Variants in SLC2A4 observed in about 807,000 individuals in gnomAD.
SLC2A4 encodes the protein solute carrier family 2 member 4.
In SLC2A4, 31 loss-of-function variants were observed where a neutral mutation model predicts 53.3. The ratio of observed to expected loss-of-function variants is 0.58; its 90% confidence interval spans 0.44 to 0.78. SLC2A4 has a LOEUF of 0.78. Among genes scored for constraint, SLC2A4 ranks in the 30% least tolerant of loss-of-function variants. The pLI, the probability that SLC2A4 is intolerant of heterozygous loss-of-function variation, is 0.00. For synonymous variants in SLC2A4, 276 were observed against 281.9 expected, an observed-to-expected ratio of 0.98 and a Z score of 0.21; for missense variants, 538 against 655.7, an observed-to-expected ratio of 0.82 and a Z score of 1.96.
chr17:7,284,291 C>A lies in SLC2A4; in HGVS notation c.639C>A (p.Ala213=). The change falls in exon 6 of 11, where the codon GCC becomes GCA. Residue 213 remains alanine, a synonymous_variant. Coordinates refer to ENST00000317370, the MANE Select transcript of SLC2A4 (RefSeq NM_001042.3). The surrounding 1 kb of genome is among the most constrained non-coding windows in gnomAD (Gnocchi z 7.5). ...TCCTGGGCCTCACAGTGCTACCTGC[C>A]CTCCTGCAGCTGGTCCTGCTGCCCT... is the stretch of plus-strand genomic sequence containing the variant. ...PLLLGLTVLP[A]LLQLVLLPFC... 1 of 1,614,098 alleles carries A rather than the reference C, an allele frequency of 6.2e-7. No individual in the cohort carries two copies. Among genetic ancestry groups the A allele is most frequent in the South Asian group, 1.1e-5 (1 of 91,086 alleles).
Position 7,285,267 on chromosome 17 carries a change from T to C in SLC2A4, c.1122+78T>C, listed in dbSNP as rs1248247031. 1 of 1,230,002 alleles carries C rather than the reference T, an allele frequency of 8.1e-7. No homozygotes were observed. The highest frequency in any genetic ancestry group is 1.2e-6 in the Non-Finnish European group (1 of 863,836). 76.2% of individuals were successfully genotyped at this position (1,230,002 alleles called of 1,614,324 possible). A position where few individuals can be genotyped will look rare whatever the true frequency, so the allele number is the denominator to read the frequency against. ...TGTGAGTCTCTGTGACCAGCCAGGGTCCCTTCTTAACACACATGCTTTCAA... is the reference window on the plus strand; with the variant it reads ...TGTGAGTCTCTGTGACCAGCCAGGGCCCCTTCTTAACACACATGCTTTCAA... On this transcript the variant is annotated intron_variant, in intron 9 of 10. Transcript: ENST00000317370. This position sits in a 1 kb window ranked among gnomAD's most constrained non-coding sequence, Gnocchi z 6.0.
In SLC2A4 at chr17:7,284,706, C is replaced by T. The variant is rs1431527726; in HGVS notation, c.915+34C>T. The T allele has an allele frequency of 6.2e-7, 1 of 1,612,086 alleles. No homozygotes were observed. Among genetic ancestry groups the T allele is most frequent in the African/African-American group, 1.3e-5 (1 of 74,896 alleles). On this transcript the variant is annotated intron_variant, in intron 7 of 10. Transcript: ENST00000317370. The surrounding 1 kb of genome is among the most constrained non-coding windows in gnomAD (Gnocchi z 7.5). Reference sequence around the variant, plus strand: ...GGAGCAGCCTCCAGGCAGGGCACAGCCCCGGGAGGGTAGACGAGAGTGGGG... The same window carrying T: ...GGAGCAGCCTCCAGGCAGGGCACAGTCCCGGGAGGGTAGACGAGAGTGGGG...
Position 7,284,424 on chromosome 17 carries a change from T to G in SLC2A4, c.727+45T>G. ...CCTGGCCCAGGCCCATGCCTCCGCC[T>G]CATCTTGCTAGCACCTGGCTTCCTC... is the stretch of plus-strand genomic sequence containing the variant. On this transcript the variant is annotated intron_variant, in intron 6 of 10. Transcript: ENST00000317370. This position sits in a 1 kb window ranked among gnomAD's most constrained non-coding sequence, Gnocchi z 7.5. The G allele has an allele frequency of 6.2e-7, 1 of 1,614,084 alleles. No individual in the cohort carries two copies. The highest frequency in any genetic ancestry group is 8.5e-7 in the Non-Finnish European group (1 of 1,179,972).
In SLC2A4 at chr17:7,282,109, C is replaced by CTGGA; in HGVS notation, c.33+143_33+146dup. The CTGGA allele has an allele frequency of 4.1e-6, 3 of 733,054 alleles. No individual in the cohort carries two copies. In the South Asian group the frequency reaches 4.6e-5, roughly 11 times the overall value. The allele number at this position is 733,054 out of a possible 1,614,324, so 45.4% of individuals were successfully genotyped here. A position where few individuals can be genotyped will look rare whatever the true frequency, so the allele number is the denominator to read the frequency against. Reference sequence around the variant, plus strand: ...AGGGGGCTGGCTATTTATACCCGGCCTGGACAACCCGTGACTGTGAGATTC... The same window carrying CTGGA: ...AGGGGGCTGGCTATTTATACCCGGCCTGGATGGACAACCCGTGACTGTGAGATTC... On this transcript the variant is annotated intron_variant, in intron 1 of 10. Coordinates refer to ENST00000317370, the MANE Select transcript of SLC2A4 (RefSeq NM_001042.3). This position sits in a 1 kb window ranked among gnomAD's most constrained non-coding sequence, Gnocchi z 4.1.
At position 7,286,552 on chromosome 17, in the gene SLC2A4, C is replaced by A. The variant is rs766927742; in HGVS notation, c.1453C>A (p.Arg485=). Reference sequence around the variant, plus strand: ...TGACCAGATCTCAGCTGCCTTCCACCGGACACCCTCTCTTTTAGAGCAGGA... The same window carrying A: ...TGACCAGATCTCAGCTGCCTTCCACAGGACACCCTCTCTTTTAGAGCAGGA... The part of the protein sequence containing the change: ...TFDQISAAFH[R]TPSLLEQEVK... Residue 485 remains arginine, a synonymous_variant, in exon 11 of 11, where the codon CGG becomes AGG. Transcript: ENST00000317370. 10 of 1,614,186 alleles carry A rather than the reference C, an allele frequency of 6.2e-6. No homozygotes were observed. Among genetic ancestry groups the A allele is most frequent in the Admixed American group, 5.0e-5 (3 of 60,016 alleles).
At position 7,282,241 on chromosome 17, in the gene SLC2A4, G is replaced by C. The variant is rs2143004656; in HGVS notation, c.33+274G>C. 1.7e-6 allele frequency: 1 copy of C among 602,428 alleles called. No individual in the cohort carries two copies. Among genetic ancestry groups the C allele is most frequent in the Non-Finnish European group, 3.1e-6 (1 of 325,090 alleles). 37.3% of individuals were successfully genotyped at this position (602,428 alleles called of 1,614,324 possible). A position where few individuals can be genotyped will look rare whatever the true frequency, so the allele number is the denominator to read the frequency against. ...CCCCTTGCCTAGTAGGCGGCGCGGC[G>C]CTCCGGAATCGGGGACACCCTGCCC... On this transcript the variant is annotated intron_variant, in intron 1 of 10. Coordinates refer to ENST00000317370, the MANE Select transcript of SLC2A4 (RefSeq NM_001042.3). This position sits in a 1 kb window ranked among gnomAD's most constrained non-coding sequence, Gnocchi z 4.1.
chr17:7,285,324 C>G lies in SLC2A4; in HGVS notation c.1122+135C>G. On this transcript the variant is annotated intron_variant, in intron 9 of 10. Coordinates refer to ENST00000317370, the MANE Select transcript of SLC2A4 (RefSeq NM_001042.3). This position sits in a 1 kb window ranked among gnomAD's most constrained non-coding sequence, Gnocchi z 6.0. ...CGCCAGCTCCGGACCAGGACTGGGG[C>G]TGACTGGCTCCAGAATCTGCTGGGA... The G allele has an allele frequency of 2.5e-6, 2 of 789,580 alleles. No individual in the cohort carries two copies. Among genetic ancestry groups the G allele is most frequent in the Non-Finnish European group, 4.2e-6 (2 of 470,666 alleles). The allele number at this position is 789,580 out of a possible 1,614,324, so 48.9% of individuals were successfully genotyped here. A position where few individuals can be genotyped will look rare whatever the true frequency, so the allele number is the denominator to read the frequency against.
chr17:7,287,771 CA>C lies in SLC2A4; in HGVS notation c.*1145del, dbSNP rs1156986778. 4 of 152,148 alleles carry C rather than the reference CA, an allele frequency of 2.6e-5. No homozygotes were observed. The highest frequency in any genetic ancestry group is 5.9e-5 in the Non-Finnish European group (4 of 68,048). The allele number at this position is 152,148 out of a possible 1,614,324, so 9.4% of individuals were successfully genotyped here. On this transcript the variant is annotated 3_prime_UTR_variant, in exon 11 of 11. Transcript: ENST00000317370. The stretch of plus-strand genomic sequence containing the variant: ...TGAAAAGGGGATTGAGAGAAGAAAC[CA>C]AAGGTCGGTTGTACTAAATGTATAT...
At position 7,284,031 on chromosome 17, in the gene SLC2A4, G is replaced by T; in HGVS notation, c.506G>T (p.Arg169Leu). The change falls in exon 5 of 11, where the codon CGG (arginine) becomes CTG (leucine). Residue 169 changes from arginine to leucine, a missense_variant. Coordinates refer to ENST00000317370, the MANE Select transcript of SLC2A4 (RefSeq NM_001042.3). The surrounding 1 kb of genome is among the most constrained non-coding windows in gnomAD (Gnocchi z 7.5). ...YVGEIAPTHL[R>L]GALGTLNQLA... ...GGGGAGATTGCTCCCACTCACCTGC[G>T]GGGCGCCCTGGGGACGCTCAACCAA... is the stretch of plus-strand genomic sequence containing the variant. 6.2e-7 allele frequency: 1 copy of T among 1,613,914 alleles called. No homozygotes were observed. The highest frequency in any genetic ancestry group is 8.5e-7 in the Non-Finnish European group (1 of 1,179,930).
chr17:7,283,177 G>A lies in SLC2A4; in HGVS notation c.34-68G>A. ...ATCTTCAGGCTCCAGCTGGGCCCGG[G>A]CCCCTAGCGGAAGGAAAAAAATCAT... is the stretch of plus-strand genomic sequence containing the variant. On this transcript the variant is annotated intron_variant, in intron 1 of 10. Transcript: ENST00000317370. This position sits in a 1 kb window ranked among gnomAD's most constrained non-coding sequence, Gnocchi z 5.8. 2.3e-6 allele frequency: 3 copies of A among 1,309,922 alleles called. No individual in the cohort carries two copies. The highest frequency in any genetic ancestry group is 2.2e-6 in the Non-Finnish European group (2 of 903,472). 81.1% of individuals were successfully genotyped at this position (1,309,922 alleles called of 1,614,324 possible).
chr17:7,283,948 C>CA lies in SLC2A4; in HGVS notation c.449-25dup. ...TCAGATGGGAATGGACACCTGCCCTCAGCCCTCTCTTCTTCCCTCGCCCAG... is the reference window on the plus strand; with the variant it reads ...TCAGATGGGAATGGACACCTGCCCTCAAGCCCTCTCTTCTTCCCTCGCCCAG... On this transcript the variant is annotated intron_variant, in intron 4 of 10. Transcript: ENST00000317370. This position sits in a 1 kb window ranked among gnomAD's most constrained non-coding sequence, Gnocchi z 5.8. 6.2e-7 allele frequency: 1 copy of CA among 1,613,144 alleles called. No homozygotes were observed. The highest frequency in any genetic ancestry group is 8.5e-7 in the Non-Finnish European group (1 of 1,179,144).
intron 10 of SLC2A4, 146 bp downstream of exon 10, chr17:7,286,054 C>A (rs896401076): frequency 2.7e-6 from 2 of 727,342 alleles, no homozygotes; most frequent in South Asian, 3.7e-5. Context: ...TCCACAGAAT[C>A]AAAGCAAGGA....
Position 7,282,057 on chromosome 17 carries a change from T to C in SLC2A4, c.33+90T>C. The C allele has an allele frequency of 1.8e-6, 2 of 1,107,278 alleles. No homozygotes were observed. The highest frequency in any genetic ancestry group is 2.7e-6 in the Non-Finnish European group (2 of 741,296). 68.6% of individuals were successfully genotyped at this position (1,107,278 alleles called of 1,614,324 possible). A position where few individuals can be genotyped will look rare whatever the true frequency, so the allele number is the denominator to read the frequency against. On this transcript the variant is annotated intron_variant, in intron 1 of 10. Transcript: ENST00000317370. This position sits in a 1 kb window ranked among gnomAD's most constrained non-coding sequence, Gnocchi z 4.1. ...GCGGTTGGGGTCAGCTGGGGGTGGT[T>C]CCTGCGCAGGCGCAGGGGGTGAAGG...
chr17:7,286,182 C>A, intron 10 of SLC2A4: 1 of 631,504 alleles, frequency 1.6e-6, no homozygotes, highest in Non-Finnish European at 2.8e-6. Flanking sequence ...ACAGCTGGGA[C>A]TCTCCTCTGA....
rs775238859 is a variant in SLC2A4, at chr17:7,284,403, G to T, written c.727+24G>T. ...GAGTAAGCTCTCCCGCTGCAGCCTG[G>T]CCCAGGCCCATGCCTCCGCCTCATC... On this transcript the variant is annotated intron_variant, in intron 6 of 10. Coordinates refer to ENST00000317370, the MANE Select transcript of SLC2A4 (RefSeq NM_001042.3). The surrounding 1 kb of genome is among the most constrained non-coding windows in gnomAD (Gnocchi z 7.5). The T allele has an allele frequency of 1.2e-6, 2 of 1,614,108 alleles. No individual in the cohort carries two copies. The highest frequency in any genetic ancestry group is 1.7e-5 in the Admixed American group (1 of 60,026).
Position 7,286,465 on chromosome 17 carries a change from C to T in SLC2A4, c.1366C>T (p.Leu456Phe), listed in dbSNP as rs751022983. 2 of 1,614,074 alleles carry T rather than the reference C, an allele frequency of 1.2e-6. No homozygotes were observed. Among genetic ancestry groups the T allele is most frequent in the African/African-American group, 1.3e-5 (1 of 74,930 alleles). The part of the protein sequence containing the change: ...GPYVFLLFAV[L>F]LLGFFIFTFL... ...CTACGTCTTCCTTCTATTTGCGGTC[C>T]TCCTGCTGGGCTTCTTCATCTTCAC... The change falls in exon 11 of 11, where the codon CTC becomes TTC. Residue 456 changes from leucine (L) to phenylalanine (F), a missense_variant. Physicochemically the swap from Leu to Phe is conservative, Grantham distance 22 (BLOSUM62 0). Transcript: ENST00000317370.
chr17:7,283,270 T>C lies in SLC2A4; in HGVS notation c.59T>C (p.Val20Ala). ...SEDGEPPQQR[V>A]TGTLVLAVFS... ...GATGGGGAACCCCCTCAGCAGCGAG[T>C]GACTGGGACCCTGGTCCTTGCTGTG... Residue 20 changes from valine to alanine, a missense_variant, in exon 2 of 11, where the codon GTG becomes GCG. Physicochemically the swap from Val to Ala is moderately conservative, Grantham distance 64. Transcript: ENST00000317370. This position sits in a 1 kb window ranked among gnomAD's most constrained non-coding sequence, Gnocchi z 5.8. 1 of 1,614,026 alleles carries C rather than the reference T, an allele frequency of 6.2e-7. No homozygotes were observed. Among genetic ancestry groups the C allele is most frequent in the Non-Finnish European group, 8.5e-7 (1 of 1,179,946 alleles).
chr17:7,286,031 G>T, intron 10 of SLC2A4, 123 bp downstream of exon 10: 2 of 838,878 alleles, frequency 2.4e-6, no homozygotes, highest in Non-Finnish European at 3.7e-6. Context: ...GGTCAGTTTG[G>T]TGGACCACCT....
Position 7,286,880 on chromosome 17 carries a change from T to A in SLC2A4, c.*251T>A. ...TCAGGGTGGGCCACTCTCCCCTCCC[T>A]CTTCCTTCCCCCATCCCCTTTCCTC... On this transcript the variant is annotated 3_prime_UTR_variant, in exon 11 of 11. Coordinates refer to ENST00000317370, the MANE Select transcript of SLC2A4 (RefSeq NM_001042.3). 1 of 485,512 alleles carries A rather than the reference T, an allele frequency of 2.1e-6. No homozygotes were observed. 30.1% of individuals were successfully genotyped at this position (485,512 alleles called of 1,614,324 possible). A position where few individuals can be genotyped will look rare whatever the true frequency, so the allele number is the denominator to read the frequency against.
Sources: gnomAD v4.1 joint callset for allele counts on GRCh38, gnomAD v4.1.1 for gene constraint, Gnocchi (gnomAD v3.1) non-coding constraint, MANE v1.5 for transcripts, NCBI Gene and HGNC (gene_info 2026-07-23, HGNC 2026-07-21) for gene names.